NWD2: variants seen among roughly 807,000 people sequenced by gnomAD.
NWD2 encodes NACHT and WD repeat domain containing 2, also known as NACHT and WD repeat domain-containing protein 2.
In NWD2, 37 loss-of-function variants were observed where a neutral mutation model predicts 132.7. The ratio of observed to expected loss-of-function variants is 0.28; its 90% CI spans 0.21 to 0.37. The LOEUF (loss-of-function observed/expected upper bound fraction) is 0.37. Ranked by LOEUF, NWD2 falls within the 10% of genes least tolerant of loss-of-function variation. NWD2 has a pLI of 1.00. For missense variants in NWD2, 1,592 were observed against 2,122.4 expected (o/e 0.75, Z 4.91); for synonymous variants, 705 against 803.0 (o/e 0.88, Z 2.06).
At chr4:37,272,934 A>G (rs1056054624) in intron 1 of NWD2, among the ~76,000 whole-genome samples, 79 of 151,788 alleles carry the variant, frequency 5.2e-4, no homozygotes, top group Admixed American at 2.0e-4. Context: ...GAGAAGGTAT[A>G]TTCTCCACAC....
At chr4:37,339,051 G>C (rs182058935) in intron 2 of NWD2, among the ~76,000 whole-genome samples, 22 of 152,270 alleles carry the variant, frequency 1.4e-4, no homozygotes, top group Admixed American at 1.3e-3. Context: ...TCTTTGTTTA[G>C]TCACACATCA....
rs754775492 is a variant in NWD2, at chr4:37,445,293, C to T, written c.3305C>T (p.Thr1102Met). Residue 1102 changes from threonine to methionine, a missense_variant, in exon 7 of 7, where the codon ACG (threonine) becomes ATG (methionine). This residue lies in a region of NWD2 where 1,071 missense variants were observed against 1,398.0 expected (regional missense o/e 0.77). Transcript: ENST00000309447. The surrounding 1 kb of genome is among the most constrained non-coding windows in gnomAD (Gnocchi z 4.7). ...CAGTTCCACTGCTGGTATGAAGTGA[C>T]GTGCGTCCAGTGCTCCCTGGATGGT... ...LYQFHCWYEV[T>M]CVQCSLDGLY... 61 of 1,552,000 alleles carry T rather than the reference C, an allele frequency of 3.9e-5. No homozygotes were observed. The highest frequency in any genetic ancestry group is 5.1e-5 in the Non-Finnish European group (58 of 1,147,054).
At chr4:37,288,472 G>A (rs1316697594) in intron 1 of NWD2, among the ~76,000 whole-genome samples, 1 of 152,202 alleles carries the variant, frequency 6.6e-6, no homozygotes, top group African/African-American at 2.4e-5. Flanking sequence ...AATACAGCAA[G>A]AGGGAGAAAC....
At chr4:37,260,536 T>C (rs1440329619) in intron 1 of NWD2, among the ~76,000 whole-genome samples, 1 of 152,210 alleles carries the variant, frequency 6.6e-6, no homozygotes, top group Non-Finnish European at 1.5e-5. Context: ...TAACAGAGTT[T>C]ATCATGATAA....
chr4:37,429,161 C>G (rs543379528), intron 3 of NWD2, among the ~76,000 whole-genome samples: 2 of 152,170 alleles, frequency 1.3e-5, no homozygotes, highest in South Asian at 4.2e-4. Flanking sequence ...AAATTTAAAA[C>G]CACCCAAAGA....
At chr4:37,397,508 T>C (rs995961072) in intron 3 of NWD2, among the ~76,000 whole-genome samples, 3 of 152,094 alleles carry the variant, frequency 2.0e-5, no homozygotes, top group African/African-American at 7.2e-5. Flanking sequence ...TGCCTGCATA[T>C]TACCTTCAGG....
At chr4:37,289,703 G>T (rs1346991983) in intron 1 of NWD2, among the ~76,000 whole-genome samples, 2 of 152,142 alleles carry the variant, frequency 1.3e-5, no homozygotes, top group African/African-American at 2.4e-5. Context: ...ACTATGAGAT[G>T]ATTTTTGTCA....
chr4:37,280,143 G>A (rs1263223344), intron 1 of NWD2, among the ~76,000 whole-genome samples: 6 of 152,150 alleles, frequency 3.9e-5, no homozygotes, highest in East Asian at 1.9e-4. Flanking sequence ...TACCACAGGC[G>A]AATTGATATA....
rs757085678 is a variant in NWD2 at position 37,446,704 on chromosome 4, G to A, written c.4716G>A (p.Leu1572=). The A allele has an allele frequency of 6.4e-7, 1 of 1,551,690 alleles. No individual in the cohort carries two copies. Among genetic ancestry groups the A allele is most frequent in the Non-Finnish European group, 8.7e-7 (1 of 1,147,012 alleles). The change falls in exon 7 of 7, where the codon TTG becomes TTA. Residue 1572 remains leucine, a synonymous_variant. Coordinates refer to ENST00000309447, the MANE Select transcript of NWD2 (RefSeq NM_001144990.2). This position sits in a 1 kb window ranked among gnomAD's most constrained non-coding sequence, Gnocchi z 6.7. Reference sequence around the variant, plus strand: ...CTGGGATCATCTGGCGGCAGAGGTTGTCTCGGGATGGTCGCTACCTGGTAT... The same window carrying A: ...CTGGGATCATCTGGCGGCAGAGGTTATCTCGGGATGGTCGCTACCTGGTAT... ...HASGIIWRQR[L]SRDGRYLVYI...
At chr4:37,394,805 T>TTTTTTTG (rs1720750051) in intron 3 of NWD2, among the ~76,000 whole-genome samples, 7 of 96,416 alleles carry the variant, frequency 7.3e-5, no homozygotes, top group Admixed American at 2.4e-4. Context: ...TATGGTTTTT[T>TTTTTTTG]TTTTTTTTTT....
chr4:37,382,209 G>T (rs187943516), intron 3 of NWD2, among the ~76,000 whole-genome samples: 66 of 152,332 alleles, frequency 4.3e-4, no homozygotes, highest in African/African-American at 1.5e-3. Context: ...CCACAGCAGA[G>T]ATTTCAGGGG....
At chr4:37,269,263 T>C (rs1369143754) in intron 1 of NWD2, among the ~76,000 whole-genome samples, 1 of 151,946 alleles carries the variant, frequency 6.6e-6, no homozygotes, top group Admixed American at 6.6e-5. Context: ...GACATCCAGA[T>C]GCTTGTCTCC....
At chr4:37,355,736 G>A (rs992903896) in intron 2 of NWD2, among the ~76,000 whole-genome samples, 6 of 152,100 alleles carry the variant, frequency 3.9e-5, no homozygotes, top group African/African-American at 1.4e-4. Flanking sequence ...TTGAAGTAGG[G>A]AGATAGAGGA....
Position 37,445,203 on chromosome 4 carries a change from T to G in NWD2, c.3215T>G (p.Leu1072Arg), listed in dbSNP as rs1349722612. Reference protein sequence around the residue: ...NGFTLSANHALAWLEASKDVT... With the variant: ...NGFTLSANHARAWLEASKDVT... ...TTTACACTGTCCGCCAACCACGCCCTTGCATGGCTCGAAGCCAGCAAAGAT... is the reference window on the plus strand; with the variant it reads ...TTTACACTGTCCGCCAACCACGCCCGTGCATGGCTCGAAGCCAGCAAAGAT... The change falls in exon 7 of 7, where the codon CTT becomes CGT. Residue 1072 changes from leucine (L) to arginine (R), a missense_variant. Transcript: ENST00000309447. This position sits in a 1 kb window ranked among gnomAD's most constrained non-coding sequence, Gnocchi z 4.7. The G allele has an allele frequency of 6.4e-7, 1 of 1,551,970 alleles. No individual in the cohort carries two copies. Among genetic ancestry groups the G allele is most frequent in the Non-Finnish European group, 8.7e-7 (1 of 1,147,066 alleles).
intron 3 of NWD2, among the ~76,000 whole-genome samples, chr4:37,398,617 T>C (rs1459648467): frequency 2.6e-5 from 4 of 152,206 alleles, no homozygotes; most frequent in Admixed American, 2.6e-4. Context: ...CTATGGTCTT[T>C]GCCACAACCT....
chr4:37,408,260 A>G (rs1721084589), intron 3 of NWD2, among the ~76,000 whole-genome samples: 1 of 152,098 alleles, frequency 6.6e-6, no homozygotes, highest in Admixed American at 6.5e-5. Flanking sequence ...CACGGAGCCC[A>G]GCAAACTAAG....
intron 4 of NWD2, among the ~76,000 whole-genome samples, chr4:37,432,449 A>G (rs1275490502): frequency 6.6e-6 from 1 of 151,780 alleles, no homozygotes; most frequent in Admixed American, 6.6e-5. Flanking sequence ...TCAGTTTCAC[A>G]TGATCAATTC....
chr4:37,354,041 T>A (rs2127446), intron 2 of NWD2, among the ~76,000 whole-genome samples: 53,866 of 151,974 alleles, frequency 0.35, 10,488 homozygotes, highest in Admixed American at 0.52. Flanking sequence ...GACATCCTTT[T>A]TGTTGATGTT....
intron 3 of NWD2, among the ~76,000 whole-genome samples, chr4:37,381,692 C>T (rs1461551242): frequency 6.6e-6 from 1 of 152,200 alleles, no homozygotes; most frequent in African/African-American, 2.4e-5. Context: ...CCCCATTTAC[C>T]TGTAACCACA....
Sources: allele counts gnomAD v4.1 joint callset (sites outside exome capture counted in the v4.1 genomes callset), GRCh38; gene constraint gnomAD v4.1.1; regional missense constraint gnomAD v4.1.1; non-coding constraint Gnocchi (gnomAD v3.1); transcripts MANE v1.5; gene names NCBI Gene and HGNC (gene_info 2026-07-23, HGNC 2026-07-21).